PKN2: variants seen among roughly 807,000 people sequenced by gnomAD.
PKN2 encodes protein kinase N2.
In PKN2, 38 loss-of-function variants were observed where a neutral mutation model predicts 119.1. That is an observed-to-expected ratio of 0.32 (90% CI 0.25 to 0.42). PKN2 has a LOEUF of 0.42. PKN2 is among the 10% of genes least tolerant of loss of function. The probability of loss-of-function intolerance (pLI) is 1.00; values close to 1 mark genes in which losing one functional copy is unlikely to be tolerated. For missense variants in PKN2, 850 were observed against 1,165.1 expected (o/e 0.73, Z 3.94); for synonymous variants, 390 against 384.9 (o/e 1.01, Z -0.15).
In PKN2 at chr1:88,833,449, G is replaced by A; in HGVS notation, c.*1G>A. The A allele has an allele frequency of 3.7e-6, 6 of 1,612,128 alleles. No individual in the cohort carries two copies. The highest frequency in any genetic ancestry group is 5.1e-6 in the Non-Finnish European group (6 of 1,178,548). ...TGACTACATTGCTGATTGGTGTTAAGTTGCTAGACACTGCGAAACCAAGCT... is the reference window on the plus strand; with the variant it reads ...TGACTACATTGCTGATTGGTGTTAAATTGCTAGACACTGCGAAACCAAGCT... On this transcript the variant is annotated 3_prime_UTR_variant, in exon 22 of 22. Coordinates refer to ENST00000370521, the MANE Select transcript of PKN2 (RefSeq NM_006256.4).
At chr1:88,778,970 G>A (rs1010120242) in intron 6 of PKN2, among the ~76,000 whole-genome samples, 4 of 152,152 alleles carry the variant, frequency 2.6e-5, no homozygotes, top group Admixed American at 1.3e-4. Flanking sequence ...TGATCCGCCC[G>A]CCTTGGTCTC....
intron 2 of PKN2, among the ~76,000 whole-genome samples, chr1:88,758,839 A>G (rs912103396): frequency 9.2e-5 from 14 of 152,168 alleles, no homozygotes; most frequent in Non-Finnish European, 1.5e-5. Flanking sequence ...ATAGTACTAC[A>G]ATGAATATAC....
At chr1:88,830,598 G>A (rs994410592) in intron 19 of PKN2, among the ~76,000 whole-genome samples, 6 of 152,090 alleles carry the variant, frequency 3.9e-5, no homozygotes, top group Non-Finnish European at 7.4e-5. Flanking sequence ...TGCAAAATAT[G>A]AGTTTATTAC....
At chr1:88,780,116 A>G (rs751696594) in intron 6 of PKN2, among the ~76,000 whole-genome samples, 7 of 152,210 alleles carry the variant, frequency 4.6e-5, no homozygotes, top group Non-Finnish European at 8.8e-5. Flanking sequence ...ATCAGTGTGG[A>G]ATAGGAAATC....
intron 3 of PKN2, among the ~76,000 whole-genome samples, chr1:88,767,799 T>C (rs1669724852): frequency 6.6e-6 from 1 of 152,246 alleles, no homozygotes; most frequent in Admixed American, 6.5e-5. Context: ...TATATTAACC[T>C]GAGTTTGGTA....
At chr1:88,781,770 G>A (rs899272197) in intron 6 of PKN2, among the ~76,000 whole-genome samples, 2 of 152,048 alleles carry the variant, frequency 1.3e-5, no homozygotes, top group African/African-American at 4.8e-5. Flanking sequence ...GATGTTTTCA[G>A]TTTCCCCAGG....
At chr1:88,804,686 G>C in intron 9 of PKN2, 152 bp downstream of exon 9, 2 of 838,992 alleles carry the variant, frequency 2.4e-6, no homozygotes, top group Non-Finnish European at 3.8e-6. Context: ...GTGACTTTGA[G>C]ACAAATCAAT....
chr1:88,830,686 G>A (rs938812176), intron 19 of PKN2, among the ~76,000 whole-genome samples: 4 of 152,024 alleles, frequency 2.6e-5, no homozygotes, highest in Non-Finnish European at 5.9e-5. Flanking sequence ...AGAAAACAAG[G>A]AAGCTCCTGT....
Position 88,813,723 on chromosome 1 carries a change from C to G in PKN2, c.2269C>G (p.Pro757Ala). ...CATTCATACTGATGTCTTTTCTGAA[C>G]CAAGAGCTGTGTGAGTATGCTTTAG... is the stretch of plus-strand genomic sequence containing the variant. The part of the protein sequence containing the change: ...MHIHTDVFSE[P>A]RAVFYAACVV... The change falls in exon 16 of 22, where the codon CCA (proline) becomes GCA (alanine). Residue 757 changes from proline (P) to alanine (A), a missense_variant. Pro to Ala is a conservative substitution (Grantham distance 27). Transcript: ENST00000370521. 6.3e-7 allele frequency: 1 copy of G among 1,591,484 alleles called. No individual in the cohort carries two copies. Among genetic ancestry groups the G allele is most frequent in the South Asian group, 1.2e-5 (1 of 86,658 alleles).
intron 2 of PKN2, among the ~76,000 whole-genome samples, chr1:88,742,488 A>G (rs1168091664): frequency 6.6e-6 from 1 of 152,116 alleles, no homozygotes; most frequent in Non-Finnish European, 1.5e-5. Flanking sequence ...AATAATAGGA[A>G]ATCCACCTTC....
chr1:88,798,503 A>C (rs551414337), intron 8 of PKN2, among the ~76,000 whole-genome samples: 61 of 152,260 alleles, frequency 4.0e-4, no homozygotes, highest in Non-Finnish European at 6.8e-4. Context: ...TGACAAAGAG[A>C]ACCAAGTAGA....
intron 4 of PKN2, 127 bp from the exon 5 acceptor site, chr1:88,771,294 A>G (rs890224897): frequency 3.6e-6 from 2 of 551,532 alleles, no homozygotes; most frequent in Admixed American, 7.1e-5. Flanking sequence ...TTTTTATTTC[A>G]GTGTTTATTG....
chr1:88,755,776 C>T (rs1669173301), intron 2 of PKN2, among the ~76,000 whole-genome samples: 2 of 152,144 alleles, frequency 1.3e-5, no homozygotes, highest in South Asian at 4.1e-4. Context: ...GCATTCTGAC[C>T]TCAGAGCCCT....
chr1:88,691,992 GT>G (rs138319107), intron 1 of PKN2, among the ~76,000 whole-genome samples: 3,183 of 151,328 alleles, frequency 0.021, 69 homozygotes, highest in South Asian at 0.07. Context: ...ACTGTTCGTG[GT>G]TTTAGGCATT....
At chr1:88,759,023 T>C (rs147559528) in intron 2 of PKN2, among the ~76,000 whole-genome samples, 29 of 152,312 alleles carry the variant, frequency 1.9e-4, no homozygotes, top group African/African-American at 7.0e-4. Context: ...AAGCATTGCT[T>C]TTTCCCTGCA....
chr1:88,809,191 A>G (rs1312555742), intron 15 of PKN2, among the ~76,000 whole-genome samples: 1 of 152,160 alleles, frequency 6.6e-6, no homozygotes, highest in Non-Finnish European at 1.5e-5. Flanking sequence ...ATCAAAATAA[A>G]TGCTTTCTTG....
chr1:88,755,997 C>G (rs967078508), intron 2 of PKN2, among the ~76,000 whole-genome samples: 2 of 151,756 alleles, frequency 1.3e-5, no homozygotes, highest in African/African-American at 2.4e-5. Flanking sequence ...ACAGCAACCT[C>G]CACCTCCTGG....
At position 88,835,563 on chromosome 1, in the gene PKN2, T is replaced by C. The variant is rs1307053787; in HGVS notation, c.*2115T>C. ...CTAATTTTTTGTAGTTTAAAATATA[T>C]ATATATTTTAGTCAGATTTAAAATT... is the stretch of plus-strand genomic sequence containing the variant. On this transcript the variant is annotated 3_prime_UTR_variant, in exon 22 of 22. Coordinates refer to ENST00000370521, the MANE Select transcript of PKN2 (RefSeq NM_006256.4). 1 of 152,380 alleles carries C rather than the reference T, an allele frequency of 6.6e-6. No individual in the cohort carries two copies. The highest frequency in any genetic ancestry group is 1.5e-5 in the Non-Finnish European group (1 of 67,912). The allele number at this position is 152,380 out of a possible 1,614,324, so 9.4% of individuals were successfully genotyped here. A position where few individuals can be genotyped will look rare whatever the true frequency, so the allele number is the denominator to read the frequency against.
chr1:88,785,535 TG>T, intron 7 of PKN2, among the ~76,000 whole-genome samples: 1 of 151,992 alleles, frequency 6.6e-6, no homozygotes, highest in African/African-American at 2.4e-5. Context: ...TCCACTGAGA[TG>T]GGGGATGGTA....
Sources: gnomAD v4.1 joint callset for allele counts (sites outside exome capture counted in the v4.1 genomes callset) on GRCh38, gnomAD v4.1.1 for gene constraint, MANE v1.5 for transcripts, NCBI Gene and HGNC (gene_info 2026-07-23, HGNC 2026-07-21) for gene names.